Variants in PCDHGA8 observed in about 807,000 individuals in gnomAD.
The protein encoded by PCDHGA8 is protocadherin gamma subfamily A, 8.
PCDHGA8 carries 45 observed loss-of-function variants against 59.2 expected under a neutral mutation model. The observed-to-expected ratio is 0.76, with a 90% CI of 0.60 to 0.98. PCDHGA8 has a LOEUF of 0.98. PCDHGA8 is among the 50% of genes least tolerant of loss of function. The probability of loss-of-function intolerance (pLI) is 0.00; values close to 1 mark genes in which losing one functional copy is unlikely to be tolerated. For missense variants in PCDHGA8, 1,257 were observed against 1,196.2 expected (o/e 1.05, Z -0.75); for synonymous variants, 531 against 519.0 (o/e 1.02, Z -0.32).
intron 1 of PCDHGA8, among the ~76,000 whole-genome samples, chr5:141,461,917 G>A (rs527287831): frequency 6.6e-6 from 1 of 152,098 alleles, no homozygotes; most frequent in South Asian, 2.1e-4. Flanking sequence ...TCTGCCTCCT[G>A]GGTTCCAGCA....
chr5:141,425,555 A>C (rs1282440598), intron 1 of PCDHGA8, among the ~76,000 whole-genome samples: 2 of 152,388 alleles, frequency 1.3e-5, no homozygotes, highest in Middle Eastern at 6.8e-3. Context: ...AACCTCTTTT[A>C]TAAGTGATAA....
intron 1 of PCDHGA8, chr5:141,403,769 A>G (rs2094453064): frequency 6.2e-7 from 1 of 1,613,948 alleles, no homozygotes; most frequent in Non-Finnish European, 8.5e-7. Context: ...GGATGAGGGA[A>G]TCAACGGAAA....
chr5:141,489,150 T>C lies in PCDHGA8; in HGVS notation c.2425-5657T>C. The C allele has an allele frequency of 1.7e-5, 15 of 862,654 alleles. No individual in the cohort carries two copies. Among genetic ancestry groups the C allele is most frequent in the Middle Eastern group, 2.5e-4 (1 of 4,044 alleles). 53.4% of individuals were successfully genotyped at this position (862,654 alleles called of 1,614,324 possible). On this transcript the variant is annotated intron_variant, in intron 1 of 3. Transcript: ENST00000398604. The surrounding 1 kb of genome is among the most constrained non-coding windows in gnomAD (Gnocchi z 4.5). ...GTTTTTAAGAGGCTGGAAGGAGACA[T>C]AAGAGACTTCAGCTGCTGCATTCCA...
intron 1 of PCDHGA8, chr5:141,415,947 C>G: frequency 1.9e-6 from 1 of 532,382 alleles, no homozygotes; most frequent in Non-Finnish European, 2.8e-6. Flanking sequence ...CCTGGGTGGT[C>G]ACATATTGAA....
rs759346998 is a variant in PCDHGA8, at chr5:141,410,849, CTTTTTTTTTT to C, written c.2424+15625_2424+15634del. Reference sequence around the variant, plus strand: ...CAGACTGAAGATATTTTGTCTTTGTCTTTTTTTTTTTTTTTTTTTTTTGAGATGGAGTCTC... The same window carrying C: ...CAGACTGAAGATATTTTGTCTTTGTCTTTTTTTTTTTTGAGATGGAGTCTC... On this transcript the variant is annotated intron_variant, in intron 1 of 3. Coordinates refer to ENST00000398604, the MANE Select transcript of PCDHGA8 (RefSeq NM_032088.2). 8 of 138,182 alleles carry C rather than the reference CTTTTTTTTTT, an allele frequency of 5.8e-5. 2 individuals are homozygous for C. The highest frequency in any genetic ancestry group is 7.3e-5 in the Non-Finnish European group (6 of 82,424). 8.6% of individuals were successfully genotyped at this position (138,182 alleles called of 1,614,324 possible). A position where few individuals can be genotyped will look rare whatever the true frequency, so the allele number is the denominator to read the frequency against.
chr5:141,433,358 C>T (rs974347696), intron 1 of PCDHGA8: 20 of 503,934 alleles, frequency 4.0e-5, no homozygotes, highest in African/African-American at 3.1e-4. Flanking sequence ...CTACTGTCTG[C>T]CTATCTATCT....
chr5:141,476,950 A>T lies in PCDHGA8; in HGVS notation c.2425-17857A>T, dbSNP rs1224572890. 2 of 1,614,158 alleles carry T rather than the reference A, an allele frequency of 1.2e-6. No homozygotes were observed. The highest frequency in any genetic ancestry group is 4.5e-5 in the East Asian group (2 of 44,878). ...ATCTGGATGAAGGCCCCAACGGTGA[A>T]ATTATTTACTCCTTCGGCAGCCACA... On this transcript the variant is annotated intron_variant, in intron 1 of 3. Transcript: ENST00000398604. The surrounding 1 kb of genome is among the most constrained non-coding windows in gnomAD (Gnocchi z 7.6).
Position 141,393,378 on chromosome 5 carries a change from G to C in PCDHGA8, c.565G>C (p.Ala189Pro). The stretch of plus-strand genomic sequence containing the variant: ...GGACGTGCAGACTGGAGACAATGGA[G>C]CCATAAACCCAGAGCTGGTGCTGGA... ...SLDVQTGDNG[A>P]INPELVLERA... is the part of the protein sequence containing the mutation. Residue 189 changes from alanine to proline, a missense_variant, in exon 1 of 4, where the codon GCC becomes CCC. Transcript: ENST00000398604. 6.2e-7 allele frequency: 1 copy of C among 1,613,982 alleles called. No individual in the cohort carries two copies. Among genetic ancestry groups the C allele is most frequent in the Non-Finnish European group, 8.5e-7 (1 of 1,179,868 alleles).
rs749979763 is a variant in PCDHGA8, at chr5:141,394,204, A to G, written c.1391A>G (p.Asn464Ser). The stretch of plus-strand genomic sequence containing the variant: ...TCCTACTCAGCGTATATCCTAGAGA[A>G]CAACCTGAGAGGAGCCTCCATCTTT... ...HASYSAYILE[N>S]NLRGASIFSL... is the part of the protein sequence containing the mutation. The change falls in exon 1 of 4, where the codon AAC (asparagine) becomes AGC (serine). Residue 464 changes from asparagine (N) to serine (S), a missense_variant. Asn to Ser is a conservative substitution (Grantham distance 46). Transcript: ENST00000398604. The G allele has an allele frequency of 2.5e-6, 4 of 1,613,914 alleles. No individual in the cohort carries two copies. Among genetic ancestry groups the G allele is most frequent in the Non-Finnish European group, 3.4e-6 (4 of 1,179,870 alleles).
At chr5:141,410,363 C>T (rs1341289640) in intron 1 of PCDHGA8, 6 of 1,614,068 alleles carry the variant, frequency 3.7e-6, no homozygotes, top group Non-Finnish European at 3.4e-6. Flanking sequence ...CTCTCTCAGC[C>T]CTGCTACTTG....
chr5:141,394,840 G>A lies in PCDHGA8; in HGVS notation c.2027G>A (p.Gly676Asp). Residue 676 changes from glycine to aspartate, a missense_variant, in exon 1 of 4, where the codon GGC becomes GAC. By Grantham distance (94) the Gly-to-Asp change is moderately conservative. Transcript: ENST00000398604. ...DSIPEVLTEL[G>D]SLKPSVDPND... Reference sequence around the variant, plus strand: ...ATCCCCGAAGTCCTGACCGAGTTGGGCAGTCTGAAGCCTTCGGTCGACCCG... The same window carrying A: ...ATCCCCGAAGTCCTGACCGAGTTGGACAGTCTGAAGCCTTCGGTCGACCCG... The A allele has an allele frequency of 1.9e-6, 3 of 1,613,834 alleles. No individual in the cohort carries two copies. The highest frequency in any genetic ancestry group is 2.5e-6 in the Non-Finnish European group (3 of 1,179,964).
intron 1 of PCDHGA8, among the ~76,000 whole-genome samples, chr5:141,474,130 C>G (rs28684928): frequency 6.6e-6 from 1 of 152,160 alleles, no homozygotes; most frequent in Non-Finnish European, 1.5e-5. Context: ...TCTCAGAAAA[C>G]TACAGGCCTT....
intron 1 of PCDHGA8, among the ~76,000 whole-genome samples, chr5:141,481,400 T>C (rs2154578591): frequency 6.6e-6 from 1 of 152,358 alleles, no homozygotes; most frequent in East Asian, 1.9e-4. Context: ...GTGACAAAAT[T>C]CTTGTATAAT....
chr5:141,413,328 C>G, intron 1 of PCDHGA8: 1 of 1,614,004 alleles, frequency 6.2e-7, no homozygotes, highest in Non-Finnish European at 8.5e-7. Context: ...TCGTGGGCAA[C>G]ATCTCCAAGG....
Position 141,487,568 on chromosome 5 carries a change from C to G in PCDHGA8, c.2425-7239C>G, listed in dbSNP as rs752378906. The G allele has an allele frequency of 1.9e-6, 3 of 1,614,180 alleles. No homozygotes were observed. Among genetic ancestry groups the G allele is most frequent in the Non-Finnish European group, 2.5e-6 (3 of 1,180,042 alleles). ...ACCCAGTGCACCTATGGCAGGGGAG[C>G]CTGTTCGCCCAAGCTGCCCACCCTC... On this transcript the variant is annotated intron_variant, in intron 1 of 3. Transcript: ENST00000398604. This position sits in a 1 kb window ranked among gnomAD's most constrained non-coding sequence, Gnocchi z 5.0.
In PCDHGA8 at chr5:141,491,832, C is replaced by A; in HGVS notation, c.2425-2975C>A. On this transcript the variant is annotated intron_variant, in intron 1 of 3. Coordinates refer to ENST00000398604, the MANE Select transcript of PCDHGA8 (RefSeq NM_032088.2). The surrounding 1 kb of genome is among the most constrained non-coding windows in gnomAD (Gnocchi z 6.9). ...GTCGCTGGCTGCGCTCCACCCGATT[C>A]TCGGGATCATTGGACCGTTTGCGCG... 6.8e-7 allele frequency: 1 copy of A among 1,474,424 alleles called. No individual in the cohort carries two copies. 91.3% of individuals were successfully genotyped at this position (1,474,424 alleles called of 1,614,324 possible).
chr5:141,505,513 G>A lies in PCDHGA8; in HGVS notation c.2572+32G>A, dbSNP rs1157816684. ...GGTGTCAGTGTGTGTATGGAAGAGT[G>A]GGAGACCTGGGGTTCTGGGGTGCAT... On this transcript the variant is annotated intron_variant, in intron 3 of 3. Coordinates refer to ENST00000398604, the MANE Select transcript of PCDHGA8 (RefSeq NM_032088.2). The A allele has an allele frequency of 3.1e-6, 5 of 1,613,710 alleles. No homozygotes were observed. In the South Asian group the frequency reaches 3.3e-5, roughly 11 times the overall value.
intron 1 of PCDHGA8, among the ~76,000 whole-genome samples, chr5:141,447,725 C>T (rs1009407606): frequency 1.3e-5 from 2 of 152,174 alleles, no homozygotes; most frequent in African/African-American, 4.8e-5. Context: ...TTTTCCAAAA[C>T]TCATTGAACT....
At chr5:141,480,198 G>A (rs1280951298) in intron 1 of PCDHGA8, among the ~76,000 whole-genome samples, 2 of 150,780 alleles carry the variant, frequency 1.3e-5, no homozygotes, top group African/African-American at 4.9e-5. Flanking sequence ...GAGGCCAGCA[G>A]TTCAAGACCA....
Sources: allele counts gnomAD v4.1 joint callset (sites outside exome capture counted in the v4.1 genomes callset), GRCh38; gene constraint gnomAD v4.1.1; non-coding constraint Gnocchi (gnomAD v3.1); transcripts MANE v1.5; gene names NCBI Gene and HGNC (gene_info 2026-07-23, HGNC 2026-07-21).